Variants in LIMCH1 observed in about 807,000 individuals in gnomAD.
The protein encoded by LIMCH1 is LIM and calponin homology domains-containing protein 1.
LIMCH1 carries 113 observed loss-of-function variants against 176.5 expected under a neutral mutation model. The ratio of observed to expected loss-of-function variants is 0.64; its 90% confidence interval spans 0.55 to 0.75. LIMCH1 has a LOEUF of 0.75. Among genes scored for constraint, LIMCH1 ranks in the 30% least tolerant of loss-of-function variants. The probability of loss-of-function intolerance (pLI) is 0.00; values close to 1 mark genes in which losing one functional copy is unlikely to be tolerated. For synonymous variants in LIMCH1, 619 were observed against 645.9 expected (o/e 0.96, Z 0.63); for missense variants, 1,674 against 1,814.9 (o/e 0.92, Z 1.41).
chr4:41,526,286 A>T (rs2076648661), intron 3 of LIMCH1, among the ~76,000 whole-genome samples: 1 of 137,278 alleles, frequency 7.3e-6, no homozygotes, highest in Admixed American at 7.5e-5. Flanking sequence ...TGCCCCTTTC[A>T]ATGAACACCT....
At chr4:41,392,475 T>C (rs933492322) in intron 1 of LIMCH1, among the ~76,000 whole-genome samples, 5 of 152,198 alleles carry the variant, frequency 3.3e-5, no homozygotes, top group Admixed American at 2.0e-4. Flanking sequence ...GCAAAGGCCC[T>C]GAGACAGCAC....
chr4:41,500,435 C>A lies in LIMCH1; in HGVS notation c.167+5829C>A, dbSNP rs369882485. ...TCCATACTTTTACATTACCCTTAAT[C>A]GCTAAAAAATTCTCTATAGATAACG... On this transcript the variant is annotated intron_variant, in intron 2 of 26. Coordinates refer to the LIMCH1 transcript ENST00000313860. Among the ~76,000 whole-genome samples, 5 of 152,208 alleles carry A rather than the reference C, an allele frequency of 3.3e-5. 1 individual carries two copies. The South Asian group carries it at 1.0e-3, about 32-fold the overall frequency.
At chr4:41,560,089 C>T (rs1011568337) in intron 1 of LIMCH1, among the ~76,000 whole-genome samples, 6 of 152,246 alleles carry the variant, frequency 3.9e-5, no homozygotes, top group South Asian at 2.1e-4. Flanking sequence ...TCAAACAACC[C>T]GTTCCTCCAT....
chr4:41,465,356 C>T (rs138555982), intron 1 of LIMCH1, among the ~76,000 whole-genome samples: 441 of 152,266 alleles, frequency 2.9e-3, no homozygotes, highest in Non-Finnish European at 4.2e-3. Flanking sequence ...TGATGAGTCT[C>T]AAGTCCCGCT....
At chr4:41,497,870 G>A (rs942067707) in intron 2 of LIMCH1, among the ~76,000 whole-genome samples, 2 of 152,012 alleles carry the variant, frequency 1.3e-5, no homozygotes, top group African/African-American at 2.4e-5. Context: ...TCACTGCCCT[G>A]TTCTAGAATT....
intron 1 of LIMCH1, among the ~76,000 whole-genome samples, chr4:41,465,605 A>G (rs1490501106): frequency 3.3e-5 from 5 of 152,210 alleles, no homozygotes; most frequent in Admixed American, 6.5e-5. Flanking sequence ...TGCTGTTCCC[A>G]TCTGTCACAT....
chr4:41,692,459 C>A, intron 31 of LIMCH1, 75 bp downstream of exon 31: 3 of 933,110 alleles, frequency 3.2e-6, no homozygotes, highest in South Asian at 2.9e-5. Flanking sequence ...TTTAGGAATT[C>A]AAATATTTTT....
chr4:41,590,161 C>T (rs1008736197), intron 1 of LIMCH1, among the ~76,000 whole-genome samples: 7 of 152,066 alleles, frequency 4.6e-5, no homozygotes, highest in South Asian at 2.1e-4. Context: ...GGCACAATCA[C>T]GGCTCACTTC....
chr4:41,372,724 T>C (rs934928338), intron 1 of LIMCH1, among the ~76,000 whole-genome samples: 1 of 152,226 alleles, frequency 6.6e-6, no homozygotes, highest in Non-Finnish European at 1.5e-5. Context: ...TGTGTTTTTC[T>C]GATCCATTTT....
At chr4:41,473,056 A>G in intron 1 of LIMCH1, 5 of 984,896 alleles carry the variant, frequency 5.1e-6, no homozygotes, top group Non-Finnish European at 6.0e-6. Context: ...ATGTAATTCC[A>G]TTCAAGACAA....
intron 1 of LIMCH1, among the ~76,000 whole-genome samples, chr4:41,411,276 C>T (rs918873137): frequency 1.3e-5 from 2 of 152,136 alleles, no homozygotes; most frequent in Admixed American, 1.3e-4. Flanking sequence ...TATATATAAC[C>T]TGTTCCTTTG....
chr4:41,409,621 G>T (rs947288322), intron 1 of LIMCH1, among the ~76,000 whole-genome samples: 1 of 152,200 alleles, frequency 6.6e-6, no homozygotes, highest in African/African-American at 2.4e-5. Context: ...ATAGCTATAA[G>T]CTGGTTGGGT....
At chr4:41,668,421 A>C (rs773761366) in intron 21 of LIMCH1, among the ~76,000 whole-genome samples, 16 of 152,226 alleles carry the variant, frequency 1.1e-4, no homozygotes, top group Non-Finnish European at 1.9e-4. Flanking sequence ...CCCTATTTCT[A>C]GTACTTTGTA....
intron 2 of LIMCH1, among the ~76,000 whole-genome samples, chr4:41,514,097 GAT>G (rs573800423): frequency 5.5e-4 from 79 of 144,948 alleles, no homozygotes; most frequent in African/African-American, 1.8e-3. Flanking sequence ...TAAAGTCCGT[GAT>G]AGTTCCAAAA....
intron 18 of LIMCH1, among the ~76,000 whole-genome samples, chr4:41,653,383 C>T (rs1415402583): frequency 6.6e-6 from 1 of 151,532 alleles, no homozygotes. Context: ...AATATGGTGA[C>T]CAGCTTAGAA....
In LIMCH1 at chr4:41,670,258, C is replaced by T. The variant is rs548835083; in HGVS notation, c.3398-1296C>T. On this transcript the variant is annotated intron_variant, in intron 21 of 31. Transcript: ENST00000503057. ...GGCATATACTCAACCTTTATTTATA[C>T]GTACAAAAAACTTCTGCCACAGACT... Among the ~76,000 whole-genome samples the T allele has an allele frequency of 1.2e-4, 18 of 152,244 alleles. No individual in the cohort carries two copies. In the South Asian group the frequency reaches 3.1e-3, roughly 26 times the overall value.
rs1349422238 is a variant in LIMCH1 at position 41,631,335 on chromosome 4, A to G, written c.1459A>G (p.Ile487Val). The part of the protein sequence containing the change: ...LDQQKWKRLS[I>V]GKAGPREDEE... ...TCAGCAGAAATGGAAGCGGCTTAGC[A>G]TTGGCAAGGCTGGGCCTAGAGAGGA... is the stretch of plus-strand genomic sequence containing the variant. The change falls in exon 10 of 32, where the codon ATT becomes GTT. Residue 487 changes from isoleucine (I) to valine (V), a missense_variant. Physicochemically the swap from Ile to Val is conservative, Grantham distance 29. This residue lies in a region of LIMCH1 where 655 missense variants were observed against 692.2 expected (regional missense o/e 0.95). Transcript: ENST00000503057. 2.0e-6 allele frequency: 3 copies of G among 1,536,096 alleles called. No individual in the cohort carries two copies.
intron 16 of LIMCH1, 80 bp from the exon 17 acceptor site, chr4:41,646,405 G>A (rs2094060926): frequency 6.5e-7 from 1 of 1,534,604 alleles, no homozygotes; most frequent in Admixed American, 1.9e-5. Context: ...TATCTCTTCA[G>A]TGCTACCTTC....
chr4:41,542,137 A>G lies in LIMCH1; in HGVS notation c.-241+3787A>G, dbSNP rs369454243. Among the ~76,000 whole-genome samples, 7 of 152,146 alleles carry G rather than the reference A, an allele frequency of 4.6e-5. No individual in the cohort carries two copies. The East Asian group carries it at 1.4e-3, about 30-fold the overall frequency. ...TTACACATCCTGGGATTTTCACACT[A>G]GCCCTCAATCTGTTGGAGTCTTTTT... is the stretch of plus-strand genomic sequence containing the variant. On this transcript the variant is annotated intron_variant, in intron 1 of 31. Transcript: ENST00000503057.
Sources: allele counts gnomAD v4.1 joint callset (sites outside exome capture counted in the v4.1 genomes callset), GRCh38; gene constraint gnomAD v4.1.1; regional missense constraint gnomAD v4.1.1; transcripts MANE v1.5; gene names NCBI Gene and HGNC (gene_info 2026-07-23, HGNC 2026-07-21).